The following LRP1B variants were observed in gnomAD, a reference collection of about 807,000 sequenced individuals.
LRP1B encodes the protein low-density lipoprotein receptor-related protein 1B.
A neutral mutation model predicts 556.6 loss-of-function variants in LRP1B; 217 were observed. The observed-to-expected ratio is 0.39, with a 90% confidence interval of 0.35 to 0.44. The LOEUF (loss-of-function observed/expected upper bound fraction) is 0.44, where lower values mean the gene tolerates loss of function less well. Ranked by LOEUF, LRP1B falls within the 20% of genes least tolerant of loss-of-function variation. The pLI is 1.00. For synonymous variants in LRP1B, 2,047 were observed against 1,865.8 expected (o/e 1.10, Z -2.50); for missense variants, 5,053 against 5,620.8 (o/e 0.90, Z 3.23).
At chr2:141,984,633 C>T (rs918426668) in intron 1 of LRP1B, among the ~76,000 whole-genome samples, 50 of 152,018 alleles carry the variant, frequency 3.3e-4, no homozygotes, top group African/African-American at 1.2e-3. Context: ...GGGTACCTTG[C>T]TATACTGATA....
At chr2:141,322,633 C>T (rs1041476906) in intron 3 of LRP1B, among the ~76,000 whole-genome samples, 2 of 151,946 alleles carry the variant, frequency 1.3e-5, no homozygotes, top group Non-Finnish European at 2.9e-5. Context: ...TTTTCCAATA[C>T]CCTAAATATC....
chr2:140,402,296 G>A (rs1294491200), intron 66 of LRP1B, among the ~76,000 whole-genome samples: 1 of 152,138 alleles, frequency 6.6e-6, no homozygotes, highest in Admixed American at 6.5e-5. Context: ...GGATCATCAG[G>A]GAAAATCTGC....
intron 3 of LRP1B, among the ~76,000 whole-genome samples, chr2:141,459,523 T>C (rs1271884784): frequency 6.6e-6 from 1 of 152,116 alleles, no homozygotes; most frequent in African/African-American, 2.4e-5. Context: ...ATGGTTTGGC[T>C]TTGTCCCCCG....
At chr2:141,197,787 GTCAATATTAAATATGTAATCA>G (rs1388139210) in intron 6 of LRP1B, among the ~76,000 whole-genome samples, 1 of 152,012 alleles carries the variant, frequency 6.6e-6, no homozygotes, top group East Asian at 1.9e-4. Flanking sequence ...CCTTTCTTTA[GTCAATATTAAATATGTAATCA>G]TATTTAATGG....
intron 3 of LRP1B, among the ~76,000 whole-genome samples, chr2:141,468,866 G>A (rs887808946): frequency 2.6e-5 from 4 of 152,002 alleles, no homozygotes; most frequent in African/African-American, 4.8e-5. Flanking sequence ...CCTTGTATCC[G>A]ACACTCAAGC....
At position 141,785,073 on chromosome 2, in the gene LRP1B, G is replaced by GA. The variant is rs1175237611; in HGVS notation, c.205+25205dup. ...TTCCTTCTCCCTCCTAACTTCACAGGAAAAAAACCTTTCTCAGCACCTTTG... is the reference window on the plus strand; with the variant it reads ...TTCCTTCTCCCTCCTAACTTCACAGGAAAAAAAACCTTTCTCAGCACCTTTG... On this transcript the variant is annotated intron_variant, in intron 2 of 90. Transcript: ENST00000389484. Among the ~76,000 whole-genome samples the GA allele has an allele frequency of 2.6e-5, 4 of 151,830 alleles. No homozygotes were observed. In the East Asian group the frequency reaches 7.8e-4, roughly 29 times the overall value.
chr2:140,420,226 TA>T (rs201026040), intron 66 of LRP1B, among the ~76,000 whole-genome samples: 4,130 of 150,382 alleles, frequency 0.027, 85 homozygotes, highest in Non-Finnish European at 0.029. Flanking sequence ...ATCAGTTCAA[TA>T]AAAAAAAAGA....
At chr2:141,676,532 C>T (rs530471550) in intron 2 of LRP1B, among the ~76,000 whole-genome samples, 1 of 152,116 alleles carries the variant, frequency 6.6e-6, no homozygotes, top group Non-Finnish European at 1.5e-5. Flanking sequence ...TCCATTTCTT[C>T]CCCATTAATT....
chr2:141,229,980 T>C (rs181175759), intron 5 of LRP1B, among the ~76,000 whole-genome samples: 35 of 152,306 alleles, frequency 2.3e-4, no homozygotes, highest in Admixed American at 1.3e-4. Flanking sequence ...TAGATAGTGA[T>C]TACTGAGCCA....
At chr2:141,077,269 C>CAAACAAAAACAA (rs1360519575) in intron 7 of LRP1B, among the ~76,000 whole-genome samples, 1 of 56,576 alleles carries the variant, frequency 1.8e-5, no homozygotes, top group Non-Finnish European at 6.5e-5. Context: ...AAAACAAAAA[C>CAAACAAAAACAA]AAACAAACAA....
intron 1 of LRP1B, among the ~76,000 whole-genome samples, chr2:142,071,936 T>C (rs1705329774): frequency 6.6e-6 from 1 of 151,980 alleles, no homozygotes; most frequent in Admixed American, 6.6e-5. Flanking sequence ...CTAGATCTTC[T>C]TCCTGTGATT....
intron 1 of LRP1B, among the ~76,000 whole-genome samples, chr2:141,996,946 A>C (rs561445305): frequency 6.6e-6 from 1 of 152,248 alleles, no homozygotes; most frequent in South Asian, 2.1e-4. Flanking sequence ...GCTTGTATTC[A>C]ATGTATCAAA....
intron 2 of LRP1B, among the ~76,000 whole-genome samples, chr2:141,544,322 C>CTTCTT (rs1553533138): frequency 1.8e-4 from 9 of 50,406 alleles, no homozygotes; most frequent in East Asian, 1.7e-3. Context: ...TCTTCTTCTT[C>CTTCTT]TTCTTCTTCT....
rs2105396480 is a variant in LRP1B, at chr2:141,019,923, C to A, written c.1969G>T (p.Gly657Cys). 1 of 1,582,992 alleles carries A rather than the reference C, an allele frequency of 6.3e-7. No individual in the cohort carries two copies. The highest frequency in any genetic ancestry group is 8.6e-7 in the Non-Finnish European group (1 of 1,162,852). Residue 657 changes from glycine (G) to cysteine (C), a missense_variant and splice_region_variant, in exon 12 of 91, where the codon GGT (glycine) becomes TGT (cysteine). By Grantham distance (159) the Gly-to-Cys change is radical. Coordinates refer to ENST00000389484, the MANE Select transcript of LRP1B (RefSeq NM_018557.3). ...TAAAGCTAGTCAAATATTGCATACC[C>A]ATTAACTGGATCCACCACAATTCCT... is the stretch of plus-strand genomic sequence containing the variant. Reference protein sequence around the residue: ...PRGIVVDPVNGWMYWTDWEED... With the variant: ...PRGIVVDPVNCWMYWTDWEED...
At chr2:140,335,204 A>ATATATATATG (rs754217662) in intron 78 of LRP1B, among the ~76,000 whole-genome samples, 1 of 151,216 alleles carries the variant, frequency 6.6e-6, no homozygotes, top group African/African-American at 2.4e-5. Flanking sequence ...GTATATATAT[A>ATATATATATG]TGTGTGTGTG....
intron 6 of LRP1B, among the ~76,000 whole-genome samples, chr2:141,198,437 C>A (rs957831821): frequency 1.7e-4 from 26 of 152,198 alleles, no homozygotes; most frequent in Admixed American, 9.8e-4. Flanking sequence ...AAAATGAATT[C>A]AAATATCTAG....
At chr2:140,810,782 G>C (rs1690891455) in intron 32 of LRP1B, among the ~76,000 whole-genome samples, 1 of 152,246 alleles carries the variant, frequency 6.6e-6, no homozygotes, top group Middle Eastern at 3.4e-3. Context: ...TGTTGCCCAG[G>C]CTAGAGTGCA....
chr2:141,706,432 T>C (rs962727949), intron 2 of LRP1B, among the ~76,000 whole-genome samples: 3 of 152,096 alleles, frequency 2.0e-5, no homozygotes, highest in African/African-American at 7.2e-5. Context: ...CATTTTTGTG[T>C]TCAATCAAAT....
chr2:140,854,315 C>A (rs972809053), intron 27 of LRP1B, among the ~76,000 whole-genome samples: 1 of 151,998 alleles, frequency 6.6e-6, no homozygotes, highest in African/African-American at 2.4e-5. Context: ...TTTTTGAAGG[C>A]AGAGATATTA....
Sources: gnomAD v4.1 joint callset for allele counts (sites outside exome capture counted in the v4.1 genomes callset) on GRCh38, gnomAD v4.1.1 for gene constraint, MANE v1.5 for transcripts, NCBI Gene and HGNC (gene_info 2026-07-23, HGNC 2026-07-21) for gene names.